Variants in CNTN6 observed in about 807,000 individuals in gnomAD.
CNTN6 encodes contactin-6.
CNTN6 carries 137 observed loss-of-function variants against 122.8 expected under a neutral mutation model. The observed-to-expected ratio is 1.12, with a 90% CI of 0.97 to 1.29. CNTN6 has a LOEUF of 1.29. Among genes scored for constraint, CNTN6 ranks in the 50% most tolerant of loss-of-function variants. The pLI is 0.00. For missense variants in CNTN6, 1,634 were observed against 1,223.4 expected, an observed-to-expected ratio of 1.34 and a Z score of -5.01; for synonymous variants, 570 against 426.0, an observed-to-expected ratio of 1.34 and a Z score of -4.16.
intron 4 of CNTN6, among the ~76,000 whole-genome samples, chr3:1,271,078 A>G (rs934673956): frequency 6.6e-5 from 10 of 152,132 alleles, no homozygotes; most frequent in Non-Finnish European, 1.0e-4. Flanking sequence ...GGGTTTCACC[A>G]TGTTGCCCGG....
At chr3:1,128,021 T>C (rs6791402) in intron 1 of CNTN6, among the ~76,000 whole-genome samples, 3,395 of 152,070 alleles carry the variant, frequency 0.022, 136 homozygotes, top group African/African-American at 0.078. Context: ...CAGAAATTTT[T>C]CTAAATTAAG....
intron 2 of CNTN6, among the ~76,000 whole-genome samples, chr3:1,201,963 G>A (rs2125431430): frequency 6.6e-6 from 1 of 152,210 alleles, no homozygotes; most frequent in Non-Finnish European, 1.5e-5. Flanking sequence ...TGTAATAATT[G>A]GGTATTTTTT....
At chr3:1,361,061 A>G (rs1186432101) in intron 12 of CNTN6, among the ~76,000 whole-genome samples, 2 of 152,070 alleles carry the variant, frequency 1.3e-5, no homozygotes, top group African/African-American at 4.8e-5. Context: ...GAGTATTGCT[A>G]TAGCACAGAA....
intron 2 of CNTN6, among the ~76,000 whole-genome samples, chr3:1,213,712 C>A (rs1446312289): frequency 6.6e-6 from 1 of 151,762 alleles, no homozygotes; most frequent in Non-Finnish European, 1.5e-5. Flanking sequence ...AAAATGAGAT[C>A]ATACCATAGA....
intron 2 of CNTN6, among the ~76,000 whole-genome samples, chr3:1,178,048 C>T (rs1240747060): frequency 6.6e-6 from 1 of 151,714 alleles, no homozygotes; most frequent in Non-Finnish European, 1.5e-5. Flanking sequence ...TTACAGGCAC[C>T]AACCACCACG....
chr3:1,386,984 TATCCA>T, intron 20 of CNTN6, among the ~76,000 whole-genome samples: 1 of 151,378 alleles, frequency 6.6e-6, no homozygotes, highest in African/African-American at 2.4e-5. Context: ...TTAAATAGAT[TATCCA>T]GTTATTTCCA....
At chr3:1,322,181 C>A (rs1700952875) in intron 8 of CNTN6, among the ~76,000 whole-genome samples, 1 of 151,422 alleles carries the variant, frequency 6.6e-6, no homozygotes, top group Non-Finnish European at 1.5e-5. Flanking sequence ...GATTCTAATT[C>A]TAAGTAGAAT....
At chr3:1,196,440 A>T (rs1269156309) in intron 2 of CNTN6, among the ~76,000 whole-genome samples, 2 of 152,218 alleles carry the variant, frequency 1.3e-5, no homozygotes, top group Non-Finnish European at 2.9e-5. Flanking sequence ...TTTCAGATCC[A>T]TAAGAAGAAG....
At chr3:1,285,070 C>G (rs746717144) in intron 5 of CNTN6, among the ~76,000 whole-genome samples, 2 of 152,108 alleles carry the variant, frequency 1.3e-5, no homozygotes, top group Non-Finnish European at 2.9e-5. Flanking sequence ...GGATAGTAGA[C>G]CACAGAGGGG....
chr3:1,199,622 C>T (rs2125419464), intron 2 of CNTN6, among the ~76,000 whole-genome samples: 1 of 152,236 alleles, frequency 6.6e-6, no homozygotes, highest in African/African-American at 2.4e-5. Flanking sequence ...AAACTTTGTT[C>T]TCTCTGCTGC....
chr3:1,267,471 A>G (rs981310080), intron 4 of CNTN6, among the ~76,000 whole-genome samples: 19 of 152,142 alleles, frequency 1.2e-4, no homozygotes, highest in Non-Finnish European at 8.8e-5. Flanking sequence ...GGAATTGGGA[A>G]GGTCTCAGTA....
chr3:1,283,825 C>G (rs892643000), intron 5 of CNTN6, among the ~76,000 whole-genome samples: 1 of 152,086 alleles, frequency 6.6e-6, no homozygotes, highest in Non-Finnish European at 1.5e-5. Context: ...CATGGTGAAA[C>G]CCCGTCTGTC....
At chr3:1,192,273 G>A (rs2093713051) in intron 2 of CNTN6, among the ~76,000 whole-genome samples, 1 of 152,054 alleles carries the variant, frequency 6.6e-6, no homozygotes, top group Admixed American at 6.6e-5. Flanking sequence ...CAAGGCACTA[G>A]GATTTTAATT....
chr3:1,372,236 T>A, intron 12 of CNTN6, 63 bp from the exon 13 acceptor site: 1 of 1,262,746 alleles, frequency 7.9e-7, no homozygotes, highest in Non-Finnish European at 1.1e-6. Context: ...TTCAGAAATA[T>A]GTATTTTATA....
chr3:1,356,508 A>G lies in CNTN6; in HGVS notation c.1492+4057A>G, dbSNP rs564013254. Among the ~76,000 whole-genome samples the G allele has an allele frequency of 3.3e-5, 5 of 151,924 alleles. No individual in the cohort carries two copies. In the South Asian group the frequency reaches 1.0e-3, roughly 31 times the overall value. The stretch of plus-strand genomic sequence containing the variant: ...GAGAAATGCCCAAGATATGTAGATA[A>G]TTGGAGGCTTCGTGGCTCTAGAAGG... On this transcript the variant is annotated intron_variant, in intron 12 of 22. Transcript: ENST00000446702.
In CNTN6 at chr3:1,373,979, T is replaced by G. The variant is rs989891863; in HGVS notation, c.2001T>G (p.Pro667=). Residue 667 remains proline (P), a synonymous_variant, in exon 16 of 23, where the codon CCT becomes CCG. Coordinates refer to ENST00000446702, the MANE Select transcript of CNTN6 (RefSeq NM_001289080.2). ...ATGCAACAGTGGTTGGTTTGAGTCC[T>G]TGGGTGGAATATGAATTTCGTGTTG... is the stretch of plus-strand genomic sequence containing the variant. The part of the protein sequence containing the change: ...TYNATVVGLS[P]WVEYEFRVVA... 4 of 1,613,140 alleles carry G rather than the reference T, an allele frequency of 2.5e-6. No homozygotes were observed. The highest frequency in any genetic ancestry group is 3.4e-6 in the Non-Finnish European group (4 of 1,179,424).
chr3:1,132,001 G>A (rs2092348590), intron 1 of CNTN6, among the ~76,000 whole-genome samples: 1 of 152,060 alleles, frequency 6.6e-6, no homozygotes, highest in African/African-American at 2.4e-5. Context: ...ACATCAGGGA[G>A]TTTATGTCAG....
At chr3:1,233,404 G>A (rs997900065) in intron 4 of CNTN6, among the ~76,000 whole-genome samples, 3 of 146,114 alleles carry the variant, frequency 2.1e-5, no homozygotes, top group African/African-American at 7.5e-5. Context: ...CAATGGAACC[G>A]TTCTGAATAA....
chr3:1,178,269 T>C (rs1488668851), intron 2 of CNTN6, among the ~76,000 whole-genome samples: 1 of 152,090 alleles, frequency 6.6e-6, no homozygotes, highest in Admixed American at 6.6e-5. Flanking sequence ...TGCTCTGTTC[T>C]GCTTTATTCA....
Sources: gnomAD v4.1 joint callset for allele counts (sites outside exome capture counted in the v4.1 genomes callset) on GRCh38, gnomAD v4.1.1 for gene constraint, MANE v1.5 for transcripts, NCBI Gene and HGNC (gene_info 2026-07-23, HGNC 2026-07-21) for gene names.